The following CPEB1 variants were observed in gnomAD, a reference collection of about 807,000 sequenced individuals.
The protein encoded by CPEB1 is cytoplasmic polyadenylation element binding protein 1.
A neutral mutation model predicts 65.8 loss-of-function variants in CPEB1; 7 were observed. The observed-to-expected ratio is 0.11, with a 90% CI of 0.06 to 0.20. The LOEUF (loss-of-function observed/expected upper bound fraction) is 0.20, where lower values mean the gene tolerates loss of function less well. CPEB1 is among the 10% of genes least tolerant of loss of function. CPEB1 has a pLI of 1.00. For synonymous variants in CPEB1, 262 were observed against 260.0 expected (o/e 1.01, Z -0.08); for missense variants, 551 against 712.2 (o/e 0.77, Z 2.58).
At chr15:82,559,205 T>C (rs539058087) in intron 4 of CPEB1, among the ~76,000 whole-genome samples, 70 of 152,108 alleles carry the variant, frequency 4.6e-4, no homozygotes, top group Non-Finnish European at 7.3e-4. Context: ...TCAAAATCAA[T>C]GCATGCTTTC....
chr15:82,604,010 T>C (rs2043340705), intron 3 of CPEB1, among the ~76,000 whole-genome samples: 1 of 152,200 alleles, frequency 6.6e-6, no homozygotes, highest in Non-Finnish European at 1.5e-5. Context: ...AGACATTACA[T>C]GTATTAGACA....
chr15:82,632,644 T>C (rs4779038), intron 1 of CPEB1, among the ~76,000 whole-genome samples: 4,331 of 152,120 alleles, frequency 0.028, 105 homozygotes, highest in Non-Finnish European at 0.04. Context: ...GCGTCCCAAG[T>C]AGCTGGACTA....
At chr15:82,642,153 CAGA>C (rs2047167867) in intron 1 of CPEB1, among the ~76,000 whole-genome samples, 1 of 152,198 alleles carries the variant, frequency 6.6e-6, no homozygotes, top group Non-Finnish European at 1.5e-5. Flanking sequence ...TCTGTGCTCA[CAGA>C]AGATGAGACG....
chr15:82,565,750 T>G (rs1449332275), intron 4 of CPEB1, among the ~76,000 whole-genome samples: 1 of 152,256 alleles, frequency 6.6e-6, no homozygotes, highest in East Asian at 1.9e-4. Context: ...TGTTCTTTCC[T>G]GGCCTCCAGA....
chr15:82,637,228 AAG>A (rs1370422236), intron 1 of CPEB1, among the ~76,000 whole-genome samples: 2 of 152,222 alleles, frequency 1.3e-5, no homozygotes, highest in African/African-American at 4.8e-5. Context: ...TGAGGAATAA[AAG>A]AAACTAAAGG....
chr15:82,626,607 T>C (rs1412361620), intron 3 of CPEB1, among the ~76,000 whole-genome samples: 1 of 152,184 alleles, frequency 6.6e-6, no homozygotes, highest in Non-Finnish European at 1.5e-5. Flanking sequence ...CTATCTCCAC[T>C]ATTCCTTGGA....
intron 3 of CPEB1, among the ~76,000 whole-genome samples, chr15:82,614,628 C>G (rs2044512344): frequency 6.6e-6 from 1 of 151,972 alleles, no homozygotes. Flanking sequence ...CTTAGGCACC[C>G]AGTTTGAGAG....
intron 3 of CPEB1, among the ~76,000 whole-genome samples, chr15:82,608,129 G>T (rs2043800068): frequency 6.6e-6 from 1 of 152,252 alleles, no homozygotes; most frequent in Non-Finnish European, 1.5e-5. Context: ...GGTTAGCCTA[G>T]ATTCCCAGGA....
At chr15:82,569,856 G>A (rs1282284565) in intron 4 of CPEB1, among the ~76,000 whole-genome samples, 1 of 152,190 alleles carries the variant, frequency 6.6e-6, no homozygotes, top group Non-Finnish European at 1.5e-5. Context: ...TCTATCTTTT[G>A]CTCAGATACG....
intron 3 of CPEB1, among the ~76,000 whole-genome samples, chr15:82,625,962 T>C (rs929684461): frequency 6.7e-6 from 1 of 149,884 alleles, no homozygotes; most frequent in African/African-American, 2.5e-5. Flanking sequence ...CTACTAAAAA[T>C]ACAAAAAATT....
chr15:82,643,727 T>C (rs2047281426), intron 1 of CPEB1, among the ~76,000 whole-genome samples: 1 of 152,164 alleles, frequency 6.6e-6, no homozygotes, highest in South Asian at 2.1e-4. Flanking sequence ...TTCTAAGTTT[T>C]ATCCAGAATT....
In CPEB1 at chr15:82,549,583, T is replaced by G; in HGVS notation, c.1357A>C (p.Thr453Pro). 1.2e-6 allele frequency: 2 copies of G among 1,614,146 alleles called. No homozygotes were observed. The highest frequency in any genetic ancestry group is 3.3e-5 in the Admixed American group (2 of 60,014). ...CCATGCAGAGCACCGACAAACACCG[T>G]CCTGCTGGGGTCAAGCCTCTGAGAT... The part of the protein sequence containing the change: ...SPSQRLDPSR[T>P]VFVGALHGML... The change falls in exon 10 of 13, where the codon ACG (threonine) becomes CCG (proline). Residue 453 changes from threonine to proline, a missense_variant. Thr to Pro is a conservative substitution (Grantham distance 38). Coordinates refer to ENST00000684509, the MANE Select transcript of CPEB1 (RefSeq NM_001365242.1).
intron 3 of CPEB1, among the ~76,000 whole-genome samples, chr15:82,593,966 T>C (rs902292277): frequency 6.6e-6 from 1 of 152,218 alleles, no homozygotes; most frequent in Non-Finnish European, 1.5e-5. Context: ...TGTGCTGTCA[T>C]GACTTTATTG....
chr15:82,633,212 C>T (rs2046399969), intron 1 of CPEB1: 1 of 152,104 alleles, frequency 6.6e-6, no homozygotes, highest in Non-Finnish European at 1.5e-5. Flanking sequence ...GGAAGAATTA[C>T]TTGGCAATGC....
intron 6 of CPEB1, among the ~76,000 whole-genome samples, chr15:82,554,943 T>C (rs979184800): frequency 6.6e-6 from 1 of 152,130 alleles, no homozygotes; most frequent in Non-Finnish European, 1.5e-5. Flanking sequence ...CAAAGATGGG[T>C]TGCCAAAATC....
intron 3 of CPEB1, among the ~76,000 whole-genome samples, chr15:82,609,767 T>C (rs1567219448): frequency 1.3e-5 from 2 of 151,628 alleles, no homozygotes; most frequent in Non-Finnish European, 2.9e-5. Context: ...AAAAAGAATA[T>C]AAATTACTAT....
chr15:82,571,080 C>T (rs1333698549), intron 4 of CPEB1, among the ~76,000 whole-genome samples: 1 of 152,182 alleles, frequency 6.6e-6, no homozygotes, highest in Non-Finnish European at 1.5e-5. Context: ...TGGGGACCCT[C>T]CTCAGGGCCA....
chr15:82,563,725 G>A (rs1486080075), intron 4 of CPEB1, among the ~76,000 whole-genome samples: 4 of 151,594 alleles, frequency 2.6e-5, no homozygotes, highest in Non-Finnish European at 4.4e-5. Flanking sequence ...AAGCAAATGG[G>A]GTAAAATGAA....
chr15:82,546,902 C>T (rs2035326067), intron 11 of CPEB1, among the ~76,000 whole-genome samples: 1 of 152,206 alleles, frequency 6.6e-6, no homozygotes, highest in Admixed American at 6.5e-5. Context: ...AGAAATACCA[C>T]AGTGAGGGAA....
Sources: gnomAD v4.1 joint callset for allele counts (sites outside exome capture counted in the v4.1 genomes callset) on GRCh38, gnomAD v4.1.1 for gene constraint, MANE v1.5 for transcripts, NCBI Gene and HGNC (gene_info 2026-07-23, HGNC 2026-07-21) for gene names.